Variants in TBC1D1 observed in about 807,000 individuals in gnomAD.
The protein encoded by TBC1D1 is TBC1 domain family member 1.
Under a neutral mutation model 125.6 loss-of-function variants are expected in TBC1D1, and 89 were observed. That is an observed-to-expected ratio of 0.71 (90% CI 0.60 to 0.85). The LOEUF (loss-of-function observed/expected upper bound fraction) is 0.85. Ranked by LOEUF, TBC1D1 falls within the 40% of genes least tolerant of loss-of-function variation. The pLI is 0.00. For synonymous variants in TBC1D1, 565 were observed against 564.1 expected (o/e 1.00, Z -0.02); for missense variants, 1,377 against 1,469.2 (o/e 0.94, Z 1.03).
intron 12 of TBC1D1, among the ~76,000 whole-genome samples, chr4:38,065,642 G>A (rs1037356565): frequency 3.0e-5 from 4 of 133,726 alleles, no homozygotes; most frequent in Non-Finnish European, 6.2e-5. Context: ...AGGTATTACC[G>A]CCTTTTTTTT....
Position 38,103,163 on chromosome 4 carries a change from T to A in TBC1D1, c.2557+6T>A. ...TGCGATTCTTATTGACCTTGGTAAGTCTGTGCCATCGATTGGAGATGACAA... is the reference window on the plus strand; with the variant it reads ...TGCGATTCTTATTGACCTTGGTAAGACTGTGCCATCGATTGGAGATGACAA... On this transcript the variant is annotated splice_donor_region_variant and intron_variant, in intron 15 of 19. Transcript: ENST00000261439. The A allele has an allele frequency of 6.2e-7, 1 of 1,603,368 alleles. No individual in the cohort carries two copies. Among genetic ancestry groups the A allele is most frequent in the South Asian group, 1.1e-5 (1 of 88,588 alleles).
chr4:38,108,038 C>G (rs1164700409), intron 15 of TBC1D1, among the ~76,000 whole-genome samples: 1 of 152,180 alleles, frequency 6.6e-6, no homozygotes, highest in African/African-American at 2.4e-5. Flanking sequence ...AGCCTTGGGT[C>G]AGGAGCCTGC....
At chr4:38,045,743 G>T in intron 9 of TBC1D1, 74 bp from the exon 10 acceptor site, 1 of 1,065,916 alleles carries the variant, frequency 9.4e-7, no homozygotes, top group South Asian at 1.3e-5. Flanking sequence ...TATTTAAATG[G>T]ACCAATCTGC....
intron 8 of TBC1D1, among the ~76,000 whole-genome samples, chr4:38,036,037 C>T (rs1187970558): frequency 6.6e-6 from 1 of 152,152 alleles, no homozygotes; most frequent in Non-Finnish European, 1.5e-5. Flanking sequence ...CTTTGTAAAC[C>T]TGGAAGGACA....
chr4:38,064,076 G>A (rs534376247), intron 12 of TBC1D1, among the ~76,000 whole-genome samples: 1 of 152,130 alleles, frequency 6.6e-6, no homozygotes, highest in South Asian at 2.1e-4. Context: ...TCATCTAAGT[G>A]CAATCATATA....
Position 38,118,111 on chromosome 4 carries a change from G to A in TBC1D1, c.2881G>A (p.Gly961Ser), listed in dbSNP as rs753749789. The change falls in exon 17 of 20, where the codon GGC becomes AGC. Residue 961 changes from glycine to serine, a missense_variant. Physicochemically the swap from Gly to Ser is moderately conservative, Grantham distance 56 (BLOSUM62 0). Coordinates refer to ENST00000261439, the MANE Select transcript of TBC1D1 (RefSeq NM_015173.4). ...CAATCACCTGGAGGAGCACGAGATC[G>A]GCCCCAGCCTCTACGCTGCCCCCTG... 2.5e-6 allele frequency: 4 copies of A among 1,613,954 alleles called. No individual in the cohort carries two copies. Among genetic ancestry groups the A allele is most frequent in the Middle Eastern group, 1.6e-4 (1 of 6,084 alleles).
chr4:37,936,269 A>G (rs1399906695), intron 2 of TBC1D1, among the ~76,000 whole-genome samples: 1 of 152,256 alleles, frequency 6.6e-6, no homozygotes, highest in African/African-American at 2.4e-5. Context: ...CAATAATAAA[A>G]TGGAACAATT....
In TBC1D1 at chr4:38,091,187, G is replaced by T. The variant is rs534138246; in HGVS notation, c.2236+1070G>T. 4.8e-4 allele frequency among the ~76,000 whole-genome samples: 73 copies of T among 152,310 alleles called. 1 individual carries two copies. Among genetic ancestry groups the T allele is most frequent in the Non-Finnish European group, 6.2e-4 (42 of 68,020 alleles). On this transcript the variant is annotated intron_variant, in intron 13 of 19. Coordinates refer to ENST00000261439, the MANE Select transcript of TBC1D1 (RefSeq NM_015173.4). ...TAAAGAGATAGTGTCTATATCTTTTGACTGAAAACAGAAAATGAGATATAA... is the reference window on the plus strand; with the variant it reads ...TAAAGAGATAGTGTCTATATCTTTTTACTGAAAACAGAAAATGAGATATAA...
At chr4:37,919,334 G>GT (rs1303255477) in intron 2 of TBC1D1, among the ~76,000 whole-genome samples, 19 of 130,828 alleles carry the variant, frequency 1.5e-4, no homozygotes, top group East Asian at 4.7e-4. Flanking sequence ...TAGCTGGTTT[G>GT]TTTTTGTTTT....
At chr4:38,081,775 A>G (rs1194426528) in intron 12 of TBC1D1, among the ~76,000 whole-genome samples, 1 of 152,124 alleles carries the variant, frequency 6.6e-6, no homozygotes, top group Non-Finnish European at 1.5e-5. Flanking sequence ...GAATGAGGAA[A>G]CTGACACAGA....
chr4:38,078,472 A>G (rs1755976011), intron 12 of TBC1D1, among the ~76,000 whole-genome samples: 2 of 152,126 alleles, frequency 1.3e-5, no homozygotes, highest in Admixed American at 1.3e-4. Context: ...CAAAATTCCT[A>G]TGTTGAAGCC....
At chr4:38,052,712 A>ACGCGCGCG (rs58267781) in intron 11 of TBC1D1, among the ~76,000 whole-genome samples, 4 of 125,568 alleles carry the variant, frequency 3.2e-5, no homozygotes, top group Non-Finnish European at 6.7e-5. Flanking sequence ...ATACACACAC[A>ACGCGCGCG]CGCGCGCGCG....
chr4:38,133,072 T>C lies in TBC1D1; in HGVS notation c.3133-12T>C. ...CAGTTTTAGTACGTGATGACTTTTC[T>C]TTCTATAACAGGTATTTGAAATGGA... On this transcript the variant is annotated splice_polypyrimidine_tract_variant and intron_variant, in intron 18 of 19. Coordinates refer to ENST00000261439, the MANE Select transcript of TBC1D1 (RefSeq NM_015173.4). 1 of 1,602,250 alleles carries C rather than the reference T, an allele frequency of 6.2e-7. No homozygotes were observed. The highest frequency in any genetic ancestry group is 1.1e-5 in the South Asian group (1 of 88,950).
At chr4:38,132,999 C>A (rs1471694308) in intron 18 of TBC1D1, 85 bp from the exon 21 acceptor site, 2 of 1,186,668 alleles carry the variant, frequency 1.7e-6, no homozygotes, top group Non-Finnish European at 2.4e-6. Context: ...TTCACAGGTG[C>A]GCATTGTCGT....
chr4:38,004,658 G>A (rs962438403), intron 2 of TBC1D1, among the ~76,000 whole-genome samples: 1 of 152,150 alleles, frequency 6.6e-6, no homozygotes, highest in Admixed American at 6.5e-5. Context: ...AGAACACTAT[G>A]ATCCCACTTA....
At chr4:38,033,832 G>A (rs1746688509) in intron 7 of TBC1D1, among the ~76,000 whole-genome samples, 2 of 152,164 alleles carry the variant, frequency 1.3e-5, no homozygotes, top group Non-Finnish European at 2.9e-5. Context: ...TTAGCAATAT[G>A]CACTTAAGGT....
chr4:38,119,746 G>A (rs186132838), intron 17 of TBC1D1, among the ~76,000 whole-genome samples: 47 of 152,338 alleles, frequency 3.1e-4, no homozygotes, highest in African/African-American at 1.1e-3. Flanking sequence ...GAAGAGGAGT[G>A]AGGATGGAAA....
rs146708685 is a variant in TBC1D1 at position 38,110,241 on chromosome 4, C to T, written c.2558-5469C>T. ...TGAGATGGGATGGGGTTTCTCACAG[C>T]ACCGTACAGGGACCACCTGCAAGAT... On this transcript the variant is annotated intron_variant, in intron 15 of 19. Transcript: ENST00000261439. 1.1e-5 allele frequency: 11 copies of T among 985,436 alleles called. No individual in the cohort carries two copies. In the East Asian group the frequency reaches 1.2e-3, roughly 112 times the overall value. 61.0% of individuals were successfully genotyped at this position (985,436 alleles called of 1,614,324 possible).
At chr4:37,907,766 C>T (rs1290522276) in intron 2 of TBC1D1, among the ~76,000 whole-genome samples, 1 of 152,182 alleles carries the variant, frequency 6.6e-6, no homozygotes, top group African/African-American at 2.4e-5. Context: ...TGCCCAGACT[C>T]AGACCTAGAA....
Sources: gnomAD v4.1 joint callset for allele counts (sites outside exome capture counted in the v4.1 genomes callset) on GRCh38, gnomAD v4.1.1 for gene constraint, MANE v1.5 for transcripts, NCBI Gene and HGNC (gene_info 2026-07-23, HGNC 2026-07-21) for gene names.